SNX29: variants seen among roughly 807,000 people sequenced by gnomAD.
SNX29 encodes the protein sorting nexin 29, also known as sorting nexin-29.
Under a neutral mutation model 102.1 loss-of-function variants are expected in SNX29, and 78 were observed. The ratio of observed to expected loss-of-function variants is 0.76; its 90% CI spans 0.64 to 0.92. The LOEUF is 0.92. SNX29 is among the 40% of genes least tolerant of loss of function. The pLI, the probability that SNX29 is intolerant of heterozygous loss-of-function variation, is 0.00. For missense variants in SNX29, 1,280 were observed against 1,061.7 expected, an observed-to-expected ratio of 1.21 and a Z score of -2.86; for synonymous variants, 580 against 414.5, an observed-to-expected ratio of 1.40 and a Z score of -4.85.
chr16:12,360,853 A>G (rs2082280817), intron 16 of SNX29, among the ~76,000 whole-genome samples: 1 of 152,150 alleles, frequency 6.6e-6, no homozygotes, highest in Non-Finnish European at 1.5e-5. Flanking sequence ...TCTCCATTTT[A>G]CAGGTTTACT....
At chr16:12,543,613 G>C (rs1014817564) in intron 20 of SNX29, among the ~76,000 whole-genome samples, 2 of 151,990 alleles carry the variant, frequency 1.3e-5, no homozygotes, top group South Asian at 4.2e-4. Flanking sequence ...GATGGAGTGG[G>C]CAGTGCCCCA....
chr16:12,522,543 G>A (rs1319205382), intron 19 of SNX29, among the ~76,000 whole-genome samples: 2 of 152,120 alleles, frequency 1.3e-5, no homozygotes, highest in East Asian at 3.9e-4. Flanking sequence ...GAGGTGACTG[G>A]ATCATGGGGG....
At chr16:12,550,105 C>G (rs75345446) in intron 20 of SNX29, among the ~76,000 whole-genome samples, 3,705 of 152,304 alleles carry the variant, frequency 0.024, 78 homozygotes, top group South Asian at 0.076. Flanking sequence ...GGCTAGAATA[C>G]TGAGGCTGAT....
intron 20 of SNX29, among the ~76,000 whole-genome samples, chr16:12,552,726 C>T (rs1434925055): frequency 6.6e-6 from 1 of 152,218 alleles, no homozygotes; most frequent in African/African-American, 2.4e-5. Context: ...ATAGAAGAGA[C>T]ATGGTATCTC....
At chr16:12,210,604 C>G (rs1472858863) in intron 14 of SNX29, among the ~76,000 whole-genome samples, 1 of 152,100 alleles carries the variant, frequency 6.6e-6, no homozygotes, top group African/African-American at 2.4e-5. Flanking sequence ...CTGGACTCCT[C>G]CACTGCCGAG....
At chr16:12,484,549 C>A (rs1368576980) in intron 19 of SNX29, among the ~76,000 whole-genome samples, 1 of 152,064 alleles carries the variant, frequency 6.6e-6, no homozygotes, top group Non-Finnish European at 1.5e-5. Context: ...TGGTAGCTCC[C>A]TCACCTCCCT....
intron 13 of SNX29, among the ~76,000 whole-genome samples, chr16:12,157,371 C>G (rs114682389): frequency 1.3e-5 from 2 of 152,120 alleles, no homozygotes; most frequent in Non-Finnish European, 2.9e-5. Flanking sequence ...CACACTGGCC[C>G]TCCACAGCAT....
intron 20 of SNX29, among the ~76,000 whole-genome samples, chr16:12,562,003 C>G (rs148029933): frequency 1.3e-5 from 2 of 152,162 alleles, no homozygotes; most frequent in African/African-American, 4.8e-5. Context: ...ATGGACCCTG[C>G]AACCCAGGAG....
Position 12,570,261 on chromosome 16 carries a change from TG to T in SNX29, c.*1634del. 1 of 1,064,972 alleles carries T rather than the reference TG, an allele frequency of 9.4e-7. No individual in the cohort carries two copies. Among genetic ancestry groups the T allele is most frequent in the Non-Finnish European group, 1.1e-6 (1 of 879,128 alleles). 66.0% of individuals were successfully genotyped at this position (1,064,972 alleles called of 1,614,324 possible). ...GAGACCAAATGAGCTGGAGCATGTA[TG>T]GAGGTGCGGACCCTGCAGTCAGTTT... On this transcript the variant is annotated 3_prime_UTR_variant, in exon 21 of 21. Transcript: ENST00000566228.
intron 11 of SNX29, among the ~76,000 whole-genome samples, chr16:12,101,386 A>AT (rs980544871): frequency 8.0e-4 from 85 of 106,400 alleles, no homozygotes; most frequent in Admixed American, 8.3e-4. Context: ...CCCCAATTTT[A>AT]TTTTTTTTTT....
chr16:12,492,608 G>A (rs1482039787), intron 19 of SNX29, among the ~76,000 whole-genome samples: 4 of 152,274 alleles, frequency 2.6e-5, no homozygotes, highest in Non-Finnish European at 2.9e-5. Flanking sequence ...CCTTGCCCAT[G>A]CCTATGTCCT....
At chr16:12,169,046 C>G (rs2076083219) in intron 13 of SNX29, among the ~76,000 whole-genome samples, 1 of 152,190 alleles carries the variant, frequency 6.6e-6, no homozygotes, top group African/African-American at 2.4e-5. Context: ...GACTTGGCCT[C>G]ACTGCTGAGG....
intron 18 of SNX29, among the ~76,000 whole-genome samples, chr16:12,412,902 C>A (rs1006346977): frequency 6.6e-6 from 1 of 152,230 alleles, no homozygotes; most frequent in African/African-American, 2.4e-5. Flanking sequence ...GTGACACTTT[C>A]TAGCCACTCA....
intron 14 of SNX29, among the ~76,000 whole-genome samples, chr16:12,262,468 G>A (rs889886719): frequency 2.0e-5 from 3 of 152,194 alleles, no homozygotes; most frequent in Admixed American, 2.0e-4. Flanking sequence ...GTAGATGGTG[G>A]TGTTATTTGA....
intron 16 of SNX29, among the ~76,000 whole-genome samples, chr16:12,391,653 C>T (rs937023522): frequency 2.6e-5 from 4 of 152,148 alleles, no homozygotes; most frequent in Admixed American, 1.3e-4. Flanking sequence ...ATTCATCTGT[C>T]CATCATTTTA....
chr16:12,553,967 A>G (rs1159163265), intron 20 of SNX29, among the ~76,000 whole-genome samples: 5 of 152,150 alleles, frequency 3.3e-5, no homozygotes, highest in Non-Finnish European at 5.9e-5. Flanking sequence ...AGCTGGGACT[A>G]CAGGCATCCA....
At chr16:12,564,942 A>T (rs964172627) in intron 20 of SNX29, among the ~76,000 whole-genome samples, 7 of 83,936 alleles carry the variant, frequency 8.3e-5, no homozygotes, top group African/African-American at 4.3e-4. Context: ...GTTAAAAAAA[A>T]AAAAAAAAAG....
chr16:12,554,090 G>C (rs1371108508), intron 20 of SNX29, among the ~76,000 whole-genome samples: 2 of 152,204 alleles, frequency 1.3e-5, no homozygotes. Flanking sequence ...CCTCCCAAAA[G>C]CACTTGGGAT....
At position 12,403,435 on chromosome 16, in the gene SNX29, TC is replaced by T. The variant is rs777765412; in HGVS notation, c.1956-11del. The T allele has an allele frequency of 1.3e-6, 2 of 1,598,666 alleles. No individual in the cohort carries two copies. The highest frequency in any genetic ancestry group is 2.7e-5 in the African/African-American group (2 of 74,700). Reference sequence around the variant, plus strand: ...ATGTCTAATGTTGGTCTCTCTCTCTTCCTTTTGGTTAGATCAAACCGGGCGC... The same window carrying T: ...ATGTCTAATGTTGGTCTCTCTCTCTTCTTTTGGTTAGATCAAACCGGGCGC... On this transcript the variant is annotated splice_polypyrimidine_tract_variant and intron_variant, in intron 17 of 20. Transcript: ENST00000566228.
Sources: gnomAD v4.1 joint callset for allele counts (sites outside exome capture counted in the v4.1 genomes callset) on GRCh38, gnomAD v4.1.1 for gene constraint, MANE v1.5 for transcripts, NCBI Gene and HGNC (gene_info 2026-07-23, HGNC 2026-07-21) for gene names.